SSH1: variants seen among roughly 807,000 people sequenced by gnomAD.
The protein encoded by SSH1 is slingshot protein phosphatase 1.
A neutral mutation model predicts 79.7 loss-of-function variants in SSH1; 43 were observed. That is an observed-to-expected ratio of 0.54 (90% CI 0.42 to 0.70). SSH1 has a LOEUF of 0.70. Among genes scored for constraint, SSH1 ranks in the 30% least tolerant of loss-of-function variants. The pLI, the probability that SSH1 is intolerant of heterozygous loss-of-function variation, is 0.00. For synonymous variants in SSH1, 599 were observed against 538.3 expected, an observed-to-expected ratio of 1.11 and a Z score of -1.56; for missense variants, 1,206 against 1,358.8, an observed-to-expected ratio of 0.89 and a Z score of 1.77.
At chr12:108,798,937 T>TGGCTTGGCC in intron 13 of SSH1, 63 bp downstream of exon 13, 1 of 1,582,372 alleles carries the variant, frequency 6.3e-7, no homozygotes, top group Non-Finnish European at 8.6e-7. Flanking sequence ...GAGGCCTGGC[T>TGGCTTGGCC]GGCTTGGCCA....
At chr12:108,800,172 G>A (rs181040080) in intron 12 of SSH1, among the ~76,000 whole-genome samples, 1 of 152,284 alleles carries the variant, frequency 6.6e-6, no homozygotes, top group Non-Finnish European at 1.5e-5. Context: ...CATCTCAAAG[G>A]GTTCTTTCTG....
In SSH1 at chr12:108,814,079, C is replaced by A. The variant is rs540546220; in HGVS notation, c.402-2751G>T. 3.3e-5 allele frequency among the ~76,000 whole-genome samples: 5 copies of A among 152,220 alleles called. No homozygotes were observed. The East Asian group carries it at 9.7e-4, about 29-fold the overall frequency. On this transcript the variant is annotated intron_variant, in intron 5 of 14. Transcript: ENST00000326495. ...TCTCTACTAAAAATACAAAAACTTTCCAGGCATGGTGGTGCATGCCTGTAA... is the reference window on the plus strand; with the variant it reads ...TCTCTACTAAAAATACAAAAACTTTACAGGCATGGTGGTGCATGCCTGTAA...
intron 2 of SSH1, among the ~76,000 whole-genome samples, chr12:108,829,137 G>C (rs1430710597): frequency 6.6e-6 from 1 of 152,112 alleles, no homozygotes; most frequent in Non-Finnish European, 1.5e-5. Context: ...AGACTAGCAT[G>C]GTCAACATGG....
chr12:108,811,685 T>G (rs546160973), intron 5 of SSH1: 24 of 385,684 alleles, frequency 6.2e-5, no homozygotes, highest in African/African-American at 4.8e-4. Context: ...CTGTCCTGGG[T>G]GGCGGCAGGG....
In SSH1 at chr12:108,807,645, A is replaced by G; in HGVS notation, c.719T>C (p.Leu240Pro). The change falls in exon 8 of 15, where the codon CTA (leucine) becomes CCA (proline). Residue 240 changes from leucine to proline, a missense_variant. By Grantham distance (98) the Leu-to-Pro change is moderately conservative (BLOSUM62 -3). Transcript: ENST00000326495. The surrounding 1 kb of genome is among the most constrained non-coding windows in gnomAD (Gnocchi z 5.2). ...LESTRPDSPA[L>P]FVDKPTEGER... ...GCACCTCACTTACTTGTCCACAAAT[A>G]GCGCGGGGGAGTCGGGCCGCGTAGA... 6.2e-7 allele frequency: 1 copy of G among 1,612,408 alleles called. No individual in the cohort carries two copies. Among genetic ancestry groups the G allele is most frequent in the South Asian group, 1.1e-5 (1 of 90,952 alleles).
chr12:108,812,363 C>T (rs1193434902), intron 5 of SSH1, among the ~76,000 whole-genome samples: 1 of 152,256 alleles, frequency 6.6e-6, no homozygotes, highest in African/African-American at 2.4e-5. Flanking sequence ...GAGCCCAAAT[C>T]CGACAGGCAG....
At chr12:108,844,552 T>A (rs375473733) in intron 2 of SSH1, among the ~76,000 whole-genome samples, 1 of 152,204 alleles carries the variant, frequency 6.6e-6, no homozygotes, top group African/African-American at 2.4e-5. Flanking sequence ...TATGTTAGAC[T>A]GGGGGCATCC....
At chr12:108,821,216 TACACACAC>T (rs34074449) in intron 3 of SSH1, among the ~76,000 whole-genome samples, 1 of 147,580 alleles carries the variant, frequency 6.8e-6, no homozygotes, top group Non-Finnish European at 1.5e-5. Context: ...AGACCTCATC[TACACACAC>T]ACACACACAC....
intron 10 of SSH1, among the ~76,000 whole-genome samples, chr12:108,803,928 T>C (rs1462542159): frequency 6.6e-6 from 1 of 152,204 alleles, no homozygotes; most frequent in East Asian, 1.9e-4. Flanking sequence ...AACTCTTAAT[T>C]ACTTCCTACA....
intron 1 of SSH1, 62 bp from the exon 2 acceptor site, chr12:108,852,740 A>G: frequency 6.2e-7 from 1 of 1,612,192 alleles, no homozygotes; most frequent in Non-Finnish European, 8.5e-7. Context: ...CTCGGGCGGC[A>G]GTCTCACATT....
chr12:108,806,034 A>T (rs1477611832), intron 9 of SSH1, among the ~76,000 whole-genome samples: 1 of 152,166 alleles, frequency 6.6e-6, no homozygotes, highest in Non-Finnish European at 1.5e-5. Flanking sequence ...ACTTCTCCCC[A>T]AAGGCCATAT....
chr12:108,824,572 A>G (rs542008552), intron 2 of SSH1, among the ~76,000 whole-genome samples: 106 of 152,306 alleles, frequency 7.0e-4, no homozygotes, highest in Non-Finnish European at 1.3e-3. Context: ...AGTTGGCCCA[A>G]TGAATTTCTC....
rs2036265760 is a variant in SSH1 at position 108,786,123 on chromosome 12, T to A, written c.*1865A>T. On this transcript the variant is annotated 3_prime_UTR_variant, in exon 15 of 15. Transcript: ENST00000326495. The stretch of plus-strand genomic sequence containing the variant: ...TGCAGATCCCTCCTGGGGTGCTTTC[T>A]AGAATAGCTTTGGGGAACACAGTTC... 6.6e-6 allele frequency: 1 copy of A among 152,248 alleles called. No individual in the cohort carries two copies. The allele number at this position is 152,248 out of a possible 1,614,324, so 9.4% of individuals were successfully genotyped here.
At position 108,792,827 on chromosome 12, in the gene SSH1, T is replaced by C. The variant is rs759979837; in HGVS notation, c.1352A>G (p.Lys451Arg). The C allele has an allele frequency of 2.5e-6, 4 of 1,613,224 alleles. No homozygotes were observed. Among genetic ancestry groups the C allele is most frequent in the Non-Finnish European group, 3.4e-6 (4 of 1,180,016 alleles). ...SEYEGILDASKQRHNKLWRQQ... is the reference protein window; with the variant it reads ...SEYEGILDASRQRHNKLWRQQ... Reference sequence around the variant, plus strand: ...ACGCCACAGCTTGTTGTGCCGCTGTTTGCTGCGGGGAGAGAGGGTAGAGGA... The same window carrying C: ...ACGCCACAGCTTGTTGTGCCGCTGTCTGCTGCGGGGAGAGAGGGTAGAGGA... The change falls in exon 14 of 15, where the codon AAA becomes AGA. Residue 451 changes from lysine to arginine, a missense_variant and splice_region_variant. Around this residue, in one of 5 missense-constraint regions of SSH1, gnomAD observed 166 missense variants for 262.9 expected, o/e 0.63. Transcript: ENST00000326495.
At chr12:108,822,157 T>C (rs1219393687) in intron 3 of SSH1, among the ~76,000 whole-genome samples, 5 of 149,916 alleles carry the variant, frequency 3.3e-5, no homozygotes, top group Non-Finnish European at 5.9e-5. Flanking sequence ...AGCAACATAG[T>C]GAGACCTCAT....
At chr12:108,812,473 CAG>C (rs2037661255) in intron 5 of SSH1, among the ~76,000 whole-genome samples, 1 of 152,240 alleles carries the variant, frequency 6.6e-6, no homozygotes, top group African/African-American at 2.4e-5. Flanking sequence ...GGGTACAGCA[CAG>C]AGAGCTGCAG....
Position 108,788,673 on chromosome 12 carries a change from A to G in SSH1, c.2465T>C (p.Val822Ala). The G allele has an allele frequency of 6.2e-7, 1 of 1,614,036 alleles. No homozygotes were observed. Among genetic ancestry groups the G allele is most frequent in the South Asian group, 1.1e-5 (1 of 91,082 alleles). The change falls in exon 15 of 15, where the codon GTC becomes GCC. Residue 822 changes from valine (V) to alanine (A), a missense_variant. Val to Ala is a moderately conservative substitution (Grantham distance 64). Transcript: ENST00000326495. Reference sequence around the variant, plus strand: ...CTCTAGCTCTTTGGTGTGCTTGCGGACCAAGCCTGCCTTCTGCAGCTGAAT... The same window carrying G: ...CTCTAGCTCTTTGGTGTGCTTGCGGGCCAAGCCTGCCTTCTGCAGCTGAAT... ...SIIQLQKAGL[V>A]RKHTKELERL...
At chr12:108,855,467 G>A (rs555136463) in intron 1 of SSH1, among the ~76,000 whole-genome samples, 5 of 152,232 alleles carry the variant, frequency 3.3e-5, no homozygotes, top group African/African-American at 1.2e-4. Flanking sequence ...CCACTGAATT[G>A]TACACTTTAA....
chr12:108,788,913 T>C lies in SSH1; in HGVS notation c.2225A>G (p.Glu742Gly). 6.2e-7 allele frequency: 1 copy of C among 1,614,190 alleles called. No homozygotes were observed. Among genetic ancestry groups the C allele is most frequent in the Non-Finnish European group, 8.5e-7 (1 of 1,180,038 alleles). Residue 742 changes from glutamate to glycine, a missense_variant, in exon 15 of 15, where the codon GAA becomes GGA. Physicochemically the swap from Glu to Gly is moderately conservative, Grantham distance 98. Around this residue, in one of 5 missense-constraint regions of SSH1, gnomAD observed 709 missense variants for 730.6 expected, o/e 0.97. Transcript: ENST00000326495. ...GACTTTTGGGGTCTCTCTGGAAGGTTCCAAAAGGCTGGCTGGTGGCTCTAG... is the reference window on the plus strand; with the variant it reads ...GACTTTTGGGGTCTCTCTGGAAGGTCCCAAAAGGCTGGCTGGTGGCTCTAG... ...AALEPPASLLEPSRETPKVLP... is the reference protein window; with the variant it reads ...AALEPPASLLGPSRETPKVLP...
Sources: allele counts gnomAD v4.1 joint callset (sites outside exome capture counted in the v4.1 genomes callset), GRCh38; gene constraint gnomAD v4.1.1; regional missense constraint gnomAD v4.1.1; non-coding constraint Gnocchi (gnomAD v3.1); transcripts MANE v1.5; gene names NCBI Gene and HGNC (gene_info 2026-07-23, HGNC 2026-07-21).